The following CADM2 variants were observed in gnomAD, a reference collection of about 807,000 sequenced individuals.
The protein encoded by CADM2 is cell adhesion molecule 2.
A neutral mutation model predicts 49.8 loss-of-function variants in CADM2; 12 were observed. The ratio of observed to expected loss-of-function variants is 0.24; its 90% CI spans 0.15 to 0.39. The LOEUF (loss-of-function observed/expected upper bound fraction) is 0.39. Among genes scored for constraint, CADM2 ranks in the 10% least tolerant of loss-of-function variants. The pLI, the probability that CADM2 is intolerant of heterozygous loss-of-function variation, is 1.00. For missense variants in CADM2, 378 were observed against 492.3 expected, an observed-to-expected ratio of 0.77 and a Z score of 2.20; for synonymous variants, 214 against 175.4, an observed-to-expected ratio of 1.22 and a Z score of -1.74.
chr3:85,629,996 G>T (rs900346130), intron 1 of CADM2, among the ~76,000 whole-genome samples: 6 of 151,928 alleles, frequency 3.9e-5, no homozygotes, highest in African/African-American at 1.4e-4. Context: ...TCTTTTATCT[G>T]GTCTCTGTAT....
intron 3 of CADM2, among the ~76,000 whole-genome samples, chr3:85,834,180 C>T (rs980638265): frequency 6.6e-6 from 1 of 151,526 alleles, no homozygotes; most frequent in Non-Finnish European, 1.5e-5. Flanking sequence ...TATTAACTCA[C>T]TTTTTAAAAA....
chr3:85,888,918 C>T (rs575404344), intron 5 of CADM2, among the ~76,000 whole-genome samples: 9 of 152,124 alleles, frequency 5.9e-5, no homozygotes, highest in Admixed American at 5.2e-4. Flanking sequence ...TACTATCTAA[C>T]TGTTTTTAGT....
In CADM2 at chr3:85,530,903, CACACACACACAA is replaced by C. The variant is rs1343865225; in HGVS notation, c.62-195617_62-195606del. ...ACACACACACACACACACACACACA[CACACACACACAA>C]AATTCATTATTGTGGAATGTCAGGG... On this transcript the variant is annotated intron_variant, in intron 1 of 9. Transcript: ENST00000383699. Among the ~76,000 whole-genome samples, 403 of 149,518 alleles carry C rather than the reference CACACACACACAA, an allele frequency of 2.7e-3. 2 individuals carry two copies. The highest frequency in any genetic ancestry group is 0.021 in the Middle Eastern group (6 of 290).
intron 3 of CADM2, among the ~76,000 whole-genome samples, chr3:85,806,079 G>T (rs1254362854): frequency 6.6e-6 from 1 of 151,584 alleles, no homozygotes; most frequent in African/African-American, 2.4e-5. Context: ...TTGGGTTTAG[G>T]CAAGTCAACT....
chr3:85,292,799 G>A (rs1433746463), intron 1 of CADM2, among the ~76,000 whole-genome samples: 1 of 152,118 alleles, frequency 6.6e-6, no homozygotes, highest in Non-Finnish European at 1.5e-5. Flanking sequence ...AGTGTGTAGA[G>A]GGAAATTTAT....
chr3:85,810,087 TAGG>T (rs2072756620), intron 3 of CADM2, among the ~76,000 whole-genome samples: 1 of 152,034 alleles, frequency 6.6e-6, no homozygotes, highest in South Asian at 2.1e-4. Context: ...GTAGCGACAG[TAGG>T]AGAACATCCT....
intron 1 of CADM2, among the ~76,000 whole-genome samples, chr3:85,369,651 A>T (rs908831390): frequency 1.3e-5 from 2 of 152,212 alleles, no homozygotes; most frequent in Non-Finnish European, 2.9e-5. Flanking sequence ...TAGACATGGT[A>T]GATCTTGTGA....
intron 1 of CADM2, among the ~76,000 whole-genome samples, chr3:85,359,667 T>TA (rs1491224693): frequency 0.015 from 244 of 16,412 alleles, 6 homozygotes; most frequent in East Asian, 0.089. Context: ...TATATATATA[T>TA]TTTTTTTTTT....
chr3:85,123,154 C>T (rs1173864229), intron 1 of CADM2, among the ~76,000 whole-genome samples: 1 of 151,848 alleles, frequency 6.6e-6, no homozygotes, highest in Non-Finnish European at 1.5e-5. Context: ...TTCTTTTCCT[C>T]CTAGAAAAAT....
chr3:85,832,946 G>T (rs145619792), intron 3 of CADM2, among the ~76,000 whole-genome samples: 1 of 151,776 alleles, frequency 6.6e-6, no homozygotes. Flanking sequence ...TGAATTTGTC[G>T]TAGATGGCTG....
Position 85,794,696 on chromosome 3 carries a change from C to T in CADM2, c.89-7351C>T, listed in dbSNP as rs113367002. ...CCAGTGTTATTTTAAAATAAGCTCT[C>T]GATGATATGACCAATGTATATTAAA... On this transcript the variant is annotated intron_variant, in intron 2 of 9. Coordinates refer to ENST00000383699, the MANE Select transcript of CADM2 (RefSeq NM_001167675.2). Among the ~76,000 whole-genome samples, 361 of 151,884 alleles carry T rather than the reference C, an allele frequency of 2.4e-3. 3 individuals are homozygous for T. The highest frequency in any genetic ancestry group is 8.5e-3 in the African/African-American group (352 of 41,462).
intron 1 of CADM2, among the ~76,000 whole-genome samples, chr3:85,002,895 C>G (rs1385138752): frequency 6.6e-6 from 1 of 152,094 alleles, no homozygotes; most frequent in Non-Finnish European, 1.5e-5. Context: ...AAGTGATCCT[C>G]CCACCTCAGC....
chr3:85,009,882 A>C (rs902030030), intron 1 of CADM2, among the ~76,000 whole-genome samples: 5 of 149,076 alleles, frequency 3.4e-5, no homozygotes, highest in African/African-American at 9.8e-5. Context: ...TAAATAAATA[A>C]ATAAATAAAT....
At chr3:85,594,080 A>G (rs933082676) in intron 1 of CADM2, among the ~76,000 whole-genome samples, 2 of 151,960 alleles carry the variant, frequency 1.3e-5, no homozygotes, top group African/African-American at 2.4e-5. Context: ...GCTGATGTAA[A>G]TTCTTAAAAA....
chr3:85,376,644 G>C (rs2033607935), intron 1 of CADM2, among the ~76,000 whole-genome samples: 1 of 152,006 alleles, frequency 6.6e-6, no homozygotes, highest in Non-Finnish European at 1.5e-5. Flanking sequence ...TTTGGAACTT[G>C]CTGATGTTTT....
chr3:85,798,179 G>C (rs1047809672), intron 2 of CADM2, among the ~76,000 whole-genome samples: 9 of 152,114 alleles, frequency 5.9e-5, no homozygotes, highest in Non-Finnish European at 1.2e-4. Flanking sequence ...ACCTTTGTCA[G>C]ATGGATAGAT....
rs914631560 is a variant in CADM2 at position 85,047,794 on chromosome 3, A to G, written c.61+88126A>G. On this transcript the variant is annotated intron_variant, in intron 1 of 9. Coordinates refer to ENST00000383699, the MANE Select transcript of CADM2 (RefSeq NM_001167675.2). ...ATATCTCAGCCGTGACCACTTTTGA[A>G]TAATCAAGAAGAATATGACATACAA... Among the ~76,000 whole-genome samples, 10 of 152,306 alleles carry G rather than the reference A, an allele frequency of 6.6e-5. No individual in the cohort carries two copies. The East Asian group carries it at 1.9e-3, about 29-fold the overall frequency.
At chr3:85,785,778 AC>A (rs1419440482) in intron 2 of CADM2, among the ~76,000 whole-genome samples, 3 of 152,108 alleles carry the variant, frequency 2.0e-5, no homozygotes, top group Non-Finnish European at 2.9e-5. Context: ...TGCTAGTGAC[AC>A]CGGCTATTCG....
rs546262096 is a variant in CADM2, at chr3:84,999,228, A to G, written c.61+39560A>G. On this transcript the variant is annotated intron_variant, in intron 1 of 9. Coordinates refer to ENST00000383699, the MANE Select transcript of CADM2 (RefSeq NM_001167675.2). Reference sequence around the variant, plus strand: ...AAAGTCTCTGGAACACTGAGTTAACAAATACTGAACCTCCTTGGGAAAATA... The same window carrying G: ...AAAGTCTCTGGAACACTGAGTTAACGAATACTGAACCTCCTTGGGAAAATA... 2.6e-5 allele frequency among the ~76,000 whole-genome samples: 4 copies of G among 152,304 alleles called. No individual in the cohort carries two copies. In the East Asian group the frequency reaches 5.8e-4, roughly 22 times the overall value.
Sources: allele counts gnomAD v4.1 joint callset (sites outside exome capture counted in the v4.1 genomes callset), GRCh38; gene constraint gnomAD v4.1.1; transcripts MANE v1.5; gene names NCBI Gene and HGNC (gene_info 2026-07-23, HGNC 2026-07-21).